Variants in IQCH observed in about 807,000 individuals in gnomAD.
IQCH encodes the protein IQ motif containing H.
In IQCH, 98 loss-of-function variants were observed where a neutral mutation model predicts 117.0. The ratio of observed to expected loss-of-function variants is 0.84; its 90% CI spans 0.71 to 0.99. IQCH has a LOEUF of 0.99. Among genes scored for constraint, IQCH ranks in the 50% least tolerant of loss-of-function variants. The pLI is 0.00. For missense variants in IQCH, 1,102 were observed against 1,243.8 expected (o/e 0.89, Z 1.72); for synonymous variants, 412 against 448.2 (o/e 0.92, Z 1.02).
Position 67,337,144 on chromosome 15 carries a change from A to G in IQCH, c.508+49A>G, listed in dbSNP as rs765643485. ...ACGTGTTTAGGAACGGAAAAGAAAG[A>G]GCATTGAGGTAGGATCGGAGGCCTG... is the stretch of plus-strand genomic sequence containing the variant. On this transcript the variant is annotated intron_variant, in intron 5 of 20. Coordinates refer to ENST00000335894, the MANE Select transcript of IQCH (RefSeq NM_001031715.3). 6.9e-6 allele frequency: 11 copies of G among 1,605,414 alleles called. No individual in the cohort carries two copies. In the Admixed American group the frequency reaches 1.7e-4, roughly 24 times the overall value.
At position 67,365,785 on chromosome 15, in the gene IQCH, C is replaced by G. The variant is rs1164141898; in HGVS notation, c.753+5900C>G. Among the ~76,000 whole-genome samples, 1 of 152,056 alleles carries G rather than the reference C, an allele frequency of 6.6e-6. No individual in the cohort carries two copies. The highest frequency in any genetic ancestry group is 1.5e-5 in the Non-Finnish European group (1 of 68,006). On this transcript the variant is annotated intron_variant, in intron 8 of 20. Transcript: ENST00000335894. This position sits in a 1 kb window ranked among gnomAD's most constrained non-coding sequence, Gnocchi z 4.4. ...TCTCTACTAAAAATATAAAAGTTAGCCGGGTGTGGTGGCGCGTGCCTGTAA... is the reference window on the plus strand; with the variant it reads ...TCTCTACTAAAAATATAAAAGTTAGGCGGGTGTGGTGGCGCGTGCCTGTAA...
chr15:67,486,523 G>A (rs1208500014), intron 18 of IQCH, among the ~76,000 whole-genome samples: 4 of 152,040 alleles, frequency 2.6e-5, no homozygotes, highest in South Asian at 2.1e-4. Flanking sequence ...GTTGATGCCC[G>A]ATCATTACTA....
In IQCH at chr15:67,364,008, A is replaced by G. The variant is rs886211780; in HGVS notation, c.753+4123A>G. Among the ~76,000 whole-genome samples, 2 of 152,214 alleles carry G rather than the reference A, an allele frequency of 1.3e-5. No homozygotes were observed. Among genetic ancestry groups the G allele is most frequent in the African/African-American group, 4.8e-5 (2 of 41,454 alleles). On this transcript the variant is annotated intron_variant, in intron 8 of 20. Coordinates refer to ENST00000335894, the MANE Select transcript of IQCH (RefSeq NM_001031715.3). This position sits in a 1 kb window ranked among gnomAD's most constrained non-coding sequence, Gnocchi z 4.1. ...TCTTTGCTATTGTGAATAGTGCTGCAGTGAACATAACACATGCATGTGTCT... is the reference window on the plus strand; with the variant it reads ...TCTTTGCTATTGTGAATAGTGCTGCGGTGAACATAACACATGCATGTGTCT...
At chr15:67,268,940 TAAAAC>T (rs774966051) in intron 3 of IQCH, among the ~76,000 whole-genome samples, 8 of 79,226 alleles carry the variant, frequency 1.0e-4, no homozygotes, top group Non-Finnish European at 2.7e-4. Flanking sequence ...AATTATAAAA[TAAAAC>T]ATAACAAACT....
At position 67,456,149 on chromosome 15, in the gene IQCH, A is replaced by AT. The variant is rs57180925; in HGVS notation, c.2506-8969dup. On this transcript the variant is annotated intron_variant, in intron 16 of 20. Coordinates refer to ENST00000335894, the MANE Select transcript of IQCH (RefSeq NM_001031715.3). The surrounding 1 kb of genome is among the most constrained non-coding windows in gnomAD (Gnocchi z 5.1). ...GCAAGAGTATATTAAAAGATTTGTG[A>AT]TTTTTTTTTACAAAGGTGAAAAGTA... Among the ~76,000 whole-genome samples the AT allele has an allele frequency of 0.012, 1,874 of 151,758 alleles. 49 individuals carry two copies. Among genetic ancestry groups the AT allele is most frequent in the African/African-American group, 0.04 (1,673 of 41,408 alleles).
rs1160270511 is a variant in IQCH at position 67,432,175 on chromosome 15, G to C, written c.2505+10598G>C. Among the ~76,000 whole-genome samples the C allele has an allele frequency of 2.0e-5, 3 of 152,104 alleles. No individual in the cohort carries two copies. The highest frequency in any genetic ancestry group is 1.3e-4 in the Admixed American group (2 of 15,254). ...GAAAATCCAAGCTTTAAGAAGAATT[G>C]ATATGAAAACTAGCTATTGGAGAGT... is the stretch of plus-strand genomic sequence containing the variant. On this transcript the variant is annotated intron_variant, in intron 16 of 20. Coordinates refer to ENST00000335894, the MANE Select transcript of IQCH (RefSeq NM_001031715.3). This position sits in a 1 kb window ranked among gnomAD's most constrained non-coding sequence, Gnocchi z 5.0.
At chr15:67,412,711 T>C (rs1023739654) in intron 14 of IQCH, among the ~76,000 whole-genome samples, 6 of 152,116 alleles carry the variant, frequency 3.9e-5, no homozygotes, top group Non-Finnish European at 7.4e-5. Flanking sequence ...ATTTCACAAG[T>C]TTTTGAGATA....
At position 67,496,889 on chromosome 15, in the gene IQCH, G is replaced by A. The variant is rs1168523775; in HGVS notation, c.2970+2523G>A. Among the ~76,000 whole-genome samples, 2 of 150,516 alleles carry A rather than the reference G, an allele frequency of 1.3e-5. No individual in the cohort carries two copies. The highest frequency in any genetic ancestry group is 4.9e-5 in the African/African-American group (2 of 40,960). ...AAAAATTAGCCGGGCACGGTGGCGG[G>A]CGCCTGTAGTCCCAGCTACTCGGGA... is the stretch of plus-strand genomic sequence containing the variant. On this transcript the variant is annotated intron_variant, in intron 20 of 20. Coordinates refer to ENST00000335894, the MANE Select transcript of IQCH (RefSeq NM_001031715.3). The surrounding 1 kb of genome is among the most constrained non-coding windows in gnomAD (Gnocchi z 4.4).
chr15:67,381,223 T>C lies in IQCH; in HGVS notation c.1373-3713T>C, dbSNP rs1970918076. ...ATTAGTGTCATCTGATAGATGTTTA[T>C]GCAGAAAGGGACTGGGAAAGGCTGT... On this transcript the variant is annotated intron_variant, in intron 10 of 20. Coordinates refer to ENST00000335894, the MANE Select transcript of IQCH (RefSeq NM_001031715.3). The surrounding 1 kb of genome is among the most constrained non-coding windows in gnomAD (Gnocchi z 5.1). Among the ~76,000 whole-genome samples, 1 of 152,208 alleles carries C rather than the reference T, an allele frequency of 6.6e-6. No homozygotes were observed. The highest frequency in any genetic ancestry group is 1.9e-4 in the East Asian group (1 of 5,198).
chr15:67,461,636 G>A (rs1251436279), intron 16 of IQCH, among the ~76,000 whole-genome samples: 1 of 152,238 alleles, frequency 6.6e-6, no homozygotes, highest in Non-Finnish European at 1.5e-5. Flanking sequence ...TGTTTCCTTT[G>A]AGAACCAAGG....
intron 18 of IQCH, among the ~76,000 whole-genome samples, chr15:67,483,233 C>G (rs7164467): frequency 0.15 from 23,516 of 152,156 alleles, 2,238 homozygotes; most frequent in African/African-American, 0.26. Context: ...CTTAAAAGAA[C>G]AGAAGGGCCA....
In IQCH at chr15:67,458,543, C is replaced by T. The variant is rs1451520192; in HGVS notation, c.2506-6584C>T. ...ATGCAATTAGAGTCACATTAGTTAGCTCACATCACTCCTCCACTCAACACT... is the reference window on the plus strand; with the variant it reads ...ATGCAATTAGAGTCACATTAGTTAGTTCACATCACTCCTCCACTCAACACT... On this transcript the variant is annotated intron_variant, in intron 16 of 20. Coordinates refer to ENST00000335894, the MANE Select transcript of IQCH (RefSeq NM_001031715.3). The surrounding 1 kb of genome is among the most constrained non-coding windows in gnomAD (Gnocchi z 4.1). 6.6e-6 allele frequency among the ~76,000 whole-genome samples: 1 copy of T among 152,222 alleles called. No individual in the cohort carries two copies. The highest frequency in any genetic ancestry group is 2.4e-5 in the African/African-American group (1 of 41,452).
intron 5 of IQCH, among the ~76,000 whole-genome samples, chr15:67,341,046 C>T (rs1423774742): frequency 1.3e-5 from 2 of 151,814 alleles, no homozygotes; most frequent in African/African-American, 4.8e-5. Flanking sequence ...ACCGCAACCC[C>T]GACAAAAAAA....
At chr15:67,275,958 G>A (rs1966104501) in intron 3 of IQCH, among the ~76,000 whole-genome samples, 2 of 152,250 alleles carry the variant, frequency 1.3e-5, no homozygotes, top group African/African-American at 2.4e-5. Flanking sequence ...ATACATTAAT[G>A]TCTGTATAAG....
At chr15:67,398,221 T>C (rs1971531204) in intron 13 of IQCH, among the ~76,000 whole-genome samples, 2 of 152,114 alleles carry the variant, frequency 1.3e-5, no homozygotes, top group Non-Finnish European at 2.9e-5. Flanking sequence ...CAGAACACCT[T>C]TCCTTACACT....
At position 67,453,410 on chromosome 15, in the gene IQCH, A is replaced by G. The variant is rs2082582301; in HGVS notation, c.2506-11717A>G. Among the ~76,000 whole-genome samples, 1 of 151,976 alleles carries G rather than the reference A, an allele frequency of 6.6e-6. No individual in the cohort carries two copies. Among genetic ancestry groups the G allele is most frequent in the Non-Finnish European group, 1.5e-5 (1 of 67,998 alleles). On this transcript the variant is annotated intron_variant, in intron 16 of 20. Coordinates refer to ENST00000335894, the MANE Select transcript of IQCH (RefSeq NM_001031715.3). The surrounding 1 kb of genome is among the most constrained non-coding windows in gnomAD (Gnocchi z 5.8). ...ACGTACAGATGGGTTTTTGGTGTAG[A>G]TGTCCTTTCTGTTTGTTAGTTTTCC...
At chr15:67,318,510 G>A (rs542248929) in intron 4 of IQCH, among the ~76,000 whole-genome samples, 1 of 152,128 alleles carries the variant, frequency 6.6e-6, no homozygotes, top group East Asian at 1.9e-4. Flanking sequence ...AATTCCTATG[G>A]GTTTTATTTG....
At chr15:67,352,504 G>C (rs373405278) in intron 6 of IQCH, among the ~76,000 whole-genome samples, 1 of 148,852 alleles carries the variant, frequency 6.7e-6, no homozygotes, top group South Asian at 2.2e-4. Context: ...TCTGCTGGTG[G>C]TAAACTCTTT....
intron 6 of IQCH, among the ~76,000 whole-genome samples, chr15:67,352,430 A>G (rs927302594): frequency 2.0e-5 from 3 of 152,070 alleles, no homozygotes; most frequent in South Asian, 2.1e-4. Context: ...CTGACTTTCA[A>G]TACTGCATTC....
Sources: gnomAD v4.1 joint callset for allele counts (sites outside exome capture counted in the v4.1 genomes callset) on GRCh38, gnomAD v4.1.1 for gene constraint, Gnocchi (gnomAD v3.1) non-coding constraint, MANE v1.5 for transcripts, NCBI Gene and HGNC (gene_info 2026-07-23, HGNC 2026-07-21) for gene names.